IPP: variants seen among roughly 807,000 people sequenced by gnomAD.
IPP encodes the protein intracisternal A particle-promoted polypeptide.
In IPP, 41 loss-of-function variants were observed where a neutral mutation model predicts 64.1. The ratio of observed to expected loss-of-function variants is 0.64; its 90% CI spans 0.50 to 0.83. The LOEUF (loss-of-function observed/expected upper bound fraction) is 0.83, where lower values mean the gene tolerates loss of function less well. IPP is among the 40% of genes least tolerant of loss of function. The pLI is 0.00. For missense variants in IPP, 649 were observed against 703.0 expected (o/e 0.92, Z 0.87); for synonymous variants, 214 against 235.2 (o/e 0.91, Z 0.83).
chr1:45,694,451 G>A (rs749725053), downstream of IPP: 1 of 1,536,890 alleles, frequency 6.5e-7, no homozygotes. Flanking sequence ...TTAGAGTCTT[G>A]TGATCATTGA....
chr1:45,743,746 C>G (rs1357423826), intron 2 of IPP, among the ~76,000 whole-genome samples: 1 of 151,694 alleles, frequency 6.6e-6, no homozygotes, highest in East Asian at 1.9e-4. Context: ...CACAGTGGCT[C>G]TCCCCTGTAA....
chr1:45,729,762 G>A lies in IPP; in HGVS notation c.732C>T (p.Ser244=), dbSNP rs61729320. 6.4e-3 allele frequency: 9,969 copies of A among 1,562,694 alleles called. 52 individuals carry two copies. The highest frequency in any genetic ancestry group is 0.05 in the Middle Eastern group (297 of 5,946). ...QRLLKYIEGV[S]DFNLRVALQT... ...GCAATGCAACACGAAGATTAAAATCGGATACTCCTAAAACAATATTTAAAA... is the reference window on the plus strand; with the variant it reads ...GCAATGCAACACGAAGATTAAAATCAGATACTCCTAAAACAATATTTAAAA... Residue 244 remains serine, a synonymous_variant, in exon 4 of 9, where the codon TCC becomes TCT. Transcript: ENST00000396478.
At chr1:45,698,413 C>G (rs192589490), downstream of IPP, among the ~76,000 whole-genome samples, 4 of 152,190 alleles carry the variant, frequency 2.6e-5, no homozygotes, top group South Asian at 8.3e-4. Context: ...TAGAAATGAA[C>G]AGAGAACAAT....
At chr1:45,736,761 C>T (rs999384413) in intron 3 of IPP, among the ~76,000 whole-genome samples, 6 of 151,818 alleles carry the variant, frequency 4.0e-5, no homozygotes, top group African/African-American at 1.2e-4. Flanking sequence ...CTGTAGGAGG[C>T]GGGCGCGGTG....
At chr1:45,724,880 A>T (rs1645790804) in intron 5 of IPP, among the ~76,000 whole-genome samples, 1 of 144,542 alleles carries the variant, frequency 6.9e-6, no homozygotes. Context: ...CCCGTCGGGG[A>T]GGGAGGTGGG....
At chr1:45,704,777 C>T (rs1168799643) in intron 8 of IPP, among the ~76,000 whole-genome samples, 2 of 152,124 alleles carry the variant, frequency 1.3e-5, no homozygotes, top group Non-Finnish European at 1.5e-5. Flanking sequence ...TGAATCAACT[C>T]CAGACAAGAT....
chr1:45,727,349 C>T (rs1412101547), intron 5 of IPP, among the ~76,000 whole-genome samples: 1 of 152,196 alleles, frequency 6.6e-6, no homozygotes, highest in Non-Finnish European at 1.5e-5. Context: ...TGCACCCCGC[C>T]ACAACTTCAT....
At chr1:45,747,374 A>T (rs1392685698) in intron 1 of IPP, among the ~76,000 whole-genome samples, 1 of 152,180 alleles carries the variant, frequency 6.6e-6, no homozygotes, top group East Asian at 1.9e-4. Context: ...AAAATGAGAG[A>T]AAAGGAAACT....
In IPP at chr1:45,729,702, T is replaced by A. The variant is rs1039269088; in HGVS notation, c.792A>T (p.Lys264Asn). 6.2e-7 allele frequency: 1 copy of A among 1,610,744 alleles called. No homozygotes were observed. The change falls in exon 4 of 9, where the codon AAA becomes AAT. Residue 264 changes from lysine (K) to asparagine (N), a missense_variant. Physicochemically the swap from Lys to Asn is moderately conservative, Grantham distance 94. Transcript: ENST00000396478. ...TLLKEYCEVC[K>N]SPKENKFCSF... ...TACAAAACTTGTTCTCTTTGGGAGA[T>A]TTGCATACTTCACAGTACTCTTTCA...
At position 45,699,962 on chromosome 1, in the gene IPP, T is replaced by C; in HGVS notation, c.*4A>G. 6.2e-7 allele frequency: 1 copy of C among 1,614,128 alleles called. No individual in the cohort carries two copies. Among genetic ancestry groups the C allele is most frequent in the Non-Finnish European group, 8.5e-7 (1 of 1,179,964 alleles). On this transcript the variant is annotated 3_prime_UTR_variant, in exon 9 of 9. Coordinates refer to ENST00000396478, the MANE Select transcript of IPP (RefSeq NM_005897.3). The stretch of plus-strand genomic sequence containing the variant: ...GTTCCTTGTGCTCTGTTATGCTTTA[T>C]ATTTCATAGCACAGCAACGCCCCCT...
intron 1 of IPP, among the ~76,000 whole-genome samples, chr1:45,749,512 G>GTTTTTGTTTTTTGT (rs1432170534): frequency 7.5e-6 from 1 of 134,050 alleles, no homozygotes; most frequent in East Asian, 2.3e-4. Context: ...TTTTTGTTTT[G>GTTTTTGTTTTTTGT]TTTTTGTTTT....
rs761068892 is a variant in IPP, at chr1:45,729,679, CA to C, written c.814del (p.Cys272ValfsTer22). 1 of 1,612,824 alleles carries C rather than the reference CA, an allele frequency of 6.2e-7. No homozygotes were observed. The highest frequency in any genetic ancestry group is 2.2e-5 in the East Asian group (1 of 44,768). On this transcript the variant is annotated frameshift_variant, in exon 4 of 9. Coordinates refer to ENST00000396478, the MANE Select transcript of IPP (RefSeq NM_005897.3). LOFTEE classifies it high-confidence loss of function. The stretch of plus-strand genomic sequence containing the variant: ...AACCTTAGATGTCTGCAGAAAACTA[CA>C]AAACTTGTTCTCTTTGGGAGATTTG... ...VCKSPKENKFCSFLQTSKVRP... is the reference protein window; with the variant it reads ...VCKSPKENKFXSFLQTSKVRP...
chr1:45,713,862 C>A (rs1003067958), intron 8 of IPP, among the ~76,000 whole-genome samples: 3 of 151,478 alleles, frequency 2.0e-5, no homozygotes, highest in Non-Finnish European at 4.4e-5. Flanking sequence ...CCTAGCAGTA[C>A]AAAAAAAGTT....
At chr1:45,726,381 C>A (rs1645828383) in intron 5 of IPP, among the ~76,000 whole-genome samples, 1 of 151,930 alleles carries the variant, frequency 6.6e-6, no homozygotes, top group Admixed American at 6.6e-5. Flanking sequence ...TCGCTTGAAC[C>A]CGGGAGGTGG....
At chr1:45,711,032 A>C (rs1447847400) in intron 8 of IPP, among the ~76,000 whole-genome samples, 2 of 69,730 alleles carry the variant, frequency 2.9e-5, no homozygotes, top group Non-Finnish European at 6.3e-5. Context: ...ACAAACAAAC[A>C]AAAAAAAAAA....
At chr1:45,722,689 A>G (rs1470310100) in intron 5 of IPP, among the ~76,000 whole-genome samples, 6 of 152,206 alleles carry the variant, frequency 3.9e-5, no homozygotes, top group Admixed American at 6.5e-5. Flanking sequence ...TATATACCCA[A>G]AAGAAATCAA....
intron 3 of IPP, among the ~76,000 whole-genome samples, chr1:45,731,064 A>G (rs1435643693): frequency 6.6e-6 from 1 of 152,338 alleles, no homozygotes; most frequent in East Asian, 1.9e-4. Flanking sequence ...CTCAATAGAG[A>G]GATATCAAAG....
chr1:45,738,780 C>T (rs1014139352), intron 3 of IPP, among the ~76,000 whole-genome samples: 1 of 133,980 alleles, frequency 7.5e-6, no homozygotes, highest in African/African-American at 2.9e-5. Flanking sequence ...GCGGAGCTTG[C>T]AGTGAGCCGA....
In IPP at chr1:45,746,194, G is replaced by A; in HGVS notation, c.218C>T (p.Ser73Phe). The A allele has an allele frequency of 6.2e-7, 1 of 1,614,020 alleles. No individual in the cohort carries two copies. The highest frequency in any genetic ancestry group is 8.5e-7 in the Non-Finnish European group (1 of 1,179,928). ...TAGAATCGGTACAACATCTTTTGAG[G>A]ACTCTTTCATTCCTCCAGTGAACAA... ...AALFTGGMKESSKDVVPILGI... is the reference protein window; with the variant it reads ...AALFTGGMKEFSKDVVPILGI... The change falls in exon 2 of 9, where the codon TCC becomes TTC. Residue 73 changes from serine (S) to phenylalanine (F), a missense_variant. Ser to Phe is a radical substitution (Grantham distance 155). Coordinates refer to ENST00000396478, the MANE Select transcript of IPP (RefSeq NM_005897.3).
Sources: gnomAD v4.1 joint callset for allele counts (sites outside exome capture counted in the v4.1 genomes callset) on GRCh38, gnomAD v4.1.1 for gene constraint, MANE v1.5 for transcripts, NCBI Gene and HGNC (gene_info 2026-07-23, HGNC 2026-07-21) for gene names.